Variants in TMPRSS9 observed in about 807,000 individuals in gnomAD.
TMPRSS9 encodes the protein transmembrane serine protease 9, also known as transmembrane protease serine 9.
A neutral mutation model predicts 111.4 loss-of-function variants in TMPRSS9; 113 were observed. That is an observed-to-expected ratio of 1.01 (90% CI 0.87 to 1.19). The LOEUF (loss-of-function observed/expected upper bound fraction) is 1.19. TMPRSS9 is among the 50% of genes most tolerant of loss of function. The pLI, the probability that TMPRSS9 is intolerant of heterozygous loss-of-function variation, is 0.00. For synonymous variants in TMPRSS9, 805 were observed against 659.1 expected, an observed-to-expected ratio of 1.22 and a Z score of -3.39; for missense variants, 1,803 against 1,513.1, an observed-to-expected ratio of 1.19 and a Z score of -3.18.
At chr19:2,389,813 C>G (rs778517855) in exon 1 of TMPRSS9, 1 of 1,613,844 alleles carries the variant, frequency 6.2e-7, no homozygotes, top group South Asian at 1.1e-5. Flanking sequence ...TGACGTACAC[C>G]TCGTGCCCAG....
rs921816095 is a variant in TMPRSS9 at position 2,363,065 on chromosome 19, C to A, written c.-26+2705C>A. On this transcript the variant is annotated intron_variant, in intron 1 of 17. Transcript: ENST00000649857. ...CTGACCGTGGGGTAATTGGGCCCTGCAGAGCCTCACGCCGCCTGCTTGTCC... is the reference window on the plus strand; with the variant it reads ...CTGACCGTGGGGTAATTGGGCCCTGAAGAGCCTCACGCCGCCTGCTTGTCC... Among the ~76,000 whole-genome samples the A allele has an allele frequency of 3.3e-5, 5 of 152,268 alleles. No homozygotes were observed. In the South Asian group the frequency reaches 1.0e-3, roughly 32 times the overall value.
chr19:2,391,304 G>A (rs1454940518), intron 1 of TMPRSS9, among the ~76,000 whole-genome samples: 1 of 146,936 alleles, frequency 6.8e-6, no homozygotes, highest in Non-Finnish European at 1.5e-5. Context: ...GCAATTTGGG[G>A]AGAAATGCTC....
chr19:2,414,056 G>A (rs371093946), intron 10 of TMPRSS9, 38 bp downstream of exon 11: 108 of 1,486,666 alleles, frequency 7.3e-5, no homozygotes, highest in Non-Finnish European at 9.4e-5. Context: ...TGATGTACGT[G>A]CCTATCTTGA....
At chr19:2,413,725 G>A in exon 10 of TMPRSS9, 1 of 1,612,418 alleles carries the variant, frequency 6.2e-7, no homozygotes, top group Non-Finnish European at 8.5e-7. Context: ...CCCCTGGTCT[G>A]CGAGGAGCCC....
intron 6 of TMPRSS9, among the ~76,000 whole-genome samples, 166 bp downstream of exon 7, chr19:2,403,361 A>G (rs1970896452): frequency 6.6e-6 from 1 of 152,156 alleles, no homozygotes; most frequent in South Asian, 2.1e-4. Context: ...GGGGAGAAAC[A>G]TGAGCAAACA....
chr19:2,416,978 C>T (rs1971254840), intron 12 of TMPRSS9, among the ~76,000 whole-genome samples, 169 bp downstream of exon 13: 1 of 152,142 alleles, frequency 6.6e-6, no homozygotes, highest in Admixed American at 6.6e-5. Context: ...CCTCTCACTT[C>T]CCCATTCCAT....
intron 1 of TMPRSS9, among the ~76,000 whole-genome samples, chr19:2,395,435 A>G (rs576677614): frequency 6.6e-6 from 1 of 151,816 alleles, no homozygotes; most frequent in Non-Finnish European, 1.5e-5. Context: ...CCTATCTCAA[A>G]ACAAACAAGG....
At chr19:2,396,518 G>T in intron 1 of TMPRSS9, 21 bp from the exon 3 acceptor site, 1 of 1,579,552 alleles carries the variant, frequency 6.3e-7, no homozygotes. Flanking sequence ...GCTCTCTCAC[G>T]GGCCCTGGTC....
At chr19:2,404,223 C>T (rs1159666967) in intron 6 of TMPRSS9, among the ~76,000 whole-genome samples, 2 of 151,812 alleles carry the variant, frequency 1.3e-5, no homozygotes, top group African/African-American at 2.4e-5. Context: ...AAATACTAGC[C>T]CATGCAATAA....
chr19:2,420,910 A>G (rs1374465833), intron 13 of TMPRSS9, among the ~76,000 whole-genome samples: 1 of 152,128 alleles, frequency 6.6e-6, no homozygotes, highest in Non-Finnish European at 1.5e-5. Context: ...TTTTATCTTG[A>G]AAAGAATGTT....
intron 1 of TMPRSS9, among the ~76,000 whole-genome samples, chr19:2,365,627 AAAC>A (rs1970242381): frequency 2.0e-5 from 3 of 152,006 alleles, no homozygotes; most frequent in Admixed American, 1.3e-4. Context: ...CAAACAAAAA[AAAC>A]AAAAAAACTA....
At chr19:2,384,997 G>C (rs565043866), upstream of TMPRSS9, among the ~76,000 whole-genome samples, 1 of 132,042 alleles carries the variant, frequency 7.6e-6, no homozygotes, top group Non-Finnish European at 1.5e-5. Context: ...AAAAAAAAAA[G>C]AGAGAAAAGC....
intron 11 of TMPRSS9, 199 bp from the exon 13 acceptor site, chr19:2,416,339 C>T (rs1307730320): frequency 1.5e-6 from 1 of 681,530 alleles, no homozygotes; most frequent in Non-Finnish European, 2.4e-6. Context: ...CGAGGTCCCC[C>T]AGCTTGGGAT....
At chr19:2,391,443 A>C (rs1970593564) in intron 1 of TMPRSS9, among the ~76,000 whole-genome samples, 1 of 149,872 alleles carries the variant, frequency 6.7e-6, no homozygotes, top group Admixed American at 6.7e-5. Flanking sequence ...TGTTTGACTG[A>C]GGCCCTCTAG....
chr19:2,395,965 G>A (rs1165192701), intron 1 of TMPRSS9, among the ~76,000 whole-genome samples: 3 of 151,888 alleles, frequency 2.0e-5, no homozygotes, highest in African/African-American at 4.8e-5. Context: ...CCGAGATTGC[G>A]CCACCGCACT....
chr19:2,406,032 A>T (rs1599299962), intron 7 of TMPRSS9, among the ~76,000 whole-genome samples: 1 of 105,822 alleles, frequency 9.4e-6, no homozygotes, highest in South Asian at 3.0e-4. Context: ...TTTTTTTGAG[A>T]TGGAGTCTCG....
upstream of TMPRSS9, among the ~76,000 whole-genome samples, chr19:2,385,173 G>GGGGGCGGGGCTCGA (rs1970451493): frequency 8.4e-6 from 1 of 119,284 alleles, no homozygotes; most frequent in Non-Finnish European, 1.6e-5. Context: ...CGGGGCTCGC[G>GGGGGCGGGGCTCGA]GGGGGCGGGG....
chr19:2,367,353 G>A (rs1970255412), intron 1 of TMPRSS9, among the ~76,000 whole-genome samples: 2 of 151,986 alleles, frequency 1.3e-5, no homozygotes, highest in South Asian at 4.2e-4. Context: ...GATGATGACT[G>A]TAAATATTGT....
intron 7 of TMPRSS9, among the ~76,000 whole-genome samples, chr19:2,407,593 T>TTTTTCTTTTCTTTTTC (rs1568182888): frequency 1.3e-3 from 8 of 6,110 alleles, no homozygotes; most frequent in South Asian, 7.9e-3. Context: ...ACCTGTGATT[T>TTTTTCTTTTCTTTTTC]TTTTCTTTTC....
Sources: allele counts gnomAD v4.1 joint callset (sites outside exome capture counted in the v4.1 genomes callset), GRCh38; gene constraint gnomAD v4.1.1; transcripts MANE v1.5; gene names NCBI Gene and HGNC (gene_info 2026-07-23, HGNC 2026-07-21).